The following PCM1 variants were observed in gnomAD, a reference collection of about 807,000 sequenced individuals.
The protein encoded by PCM1 is pericentriolar material 1.
A neutral mutation model predicts 241.9 loss-of-function variants in PCM1; 157 were observed. That is an observed-to-expected ratio of 0.65 (90% CI 0.57 to 0.74). The LOEUF is 0.74. PCM1 is among the 30% of genes least tolerant of loss of function. The pLI, the probability that PCM1 is intolerant of heterozygous loss-of-function variation, is 0.00. For missense variants in PCM1, 3,478 were observed against 2,360.1 expected, an observed-to-expected ratio of 1.47 and a Z score of -9.81; for synonymous variants, 1,085 against 784.9, an observed-to-expected ratio of 1.38 and a Z score of -6.39.
intron 1 of PCM1, among the ~76,000 whole-genome samples, chr8:17,923,621 C>G (rs2055506365): frequency 6.6e-6 from 1 of 152,080 alleles, no homozygotes; most frequent in East Asian, 1.9e-4. Context: ...CGCGTTCCCT[C>G]TGTGGAACTC....
intron 9 of PCM1, among the ~76,000 whole-genome samples, 195 bp from the exon 10 acceptor site, chr8:17,955,275 A>G (rs2067747401): frequency 6.6e-6 from 1 of 152,210 alleles, no homozygotes; most frequent in Admixed American, 6.5e-5. Flanking sequence ...TGGAAGAAAG[A>G]GGTAAACAAG....
chr8:18,015,591 C>A (rs1019509095), intron 36 of PCM1: 1 of 152,188 alleles, frequency 6.6e-6, no homozygotes, highest in African/African-American at 2.4e-5. Flanking sequence ...CAAATAAATA[C>A]TTGCCTCTGA....
chr8:17,995,420 T>A (rs910083895), intron 29 of PCM1, among the ~76,000 whole-genome samples: 2 of 151,446 alleles, frequency 1.3e-5, no homozygotes, highest in African/African-American at 4.9e-5. Flanking sequence ...TCTGTCGGTC[T>A]GTGTTTCTGT....
At chr8:18,011,906 T>C in intron 34 of PCM1, 79 bp downstream of exon 34, 1 of 1,224,264 alleles carries the variant, frequency 8.2e-7, no homozygotes, top group Non-Finnish European at 1.2e-6. Flanking sequence ...TTTTAACTAA[T>C]CAAAGTAGAT....
In PCM1 at chr8:17,966,203, G is replaced by T. The variant is rs753626918; in HGVS notation, c.3060G>T (p.Leu1020Phe). ...TTAGTGTCAGTATTTGTCAGACTTT[G>T]ATGCAAGACCAGCAGGTAAAATTTG... ...LDFSVSICQTLMQDQQTLSCL... is the reference protein window; with the variant it reads ...LDFSVSICQTFMQDQQTLSCL... Residue 1020 changes from leucine to phenylalanine, a missense_variant, in exon 19 of 39, where the codon TTG becomes TTT. Physicochemically the swap from Leu to Phe is conservative, Grantham distance 22. Coordinates refer to ENST00000325083, the MANE Select transcript of PCM1 (RefSeq NM_006197.4). 6.2e-7 allele frequency: 1 copy of T among 1,613,466 alleles called. No homozygotes were observed.
At chr8:17,970,429 G>T (rs1384022628) in intron 22 of PCM1, among the ~76,000 whole-genome samples, 2 of 143,592 alleles carry the variant, frequency 1.4e-5, no homozygotes, top group African/African-American at 5.5e-5. Context: ...TCATTAACTG[G>T]GATTTTTTTT....
Position 18,014,629 on chromosome 8 carries a change from T to C in PCM1, c.5630T>C (p.Leu1877Ser), listed in dbSNP as rs1438760391. 1.2e-6 allele frequency: 2 copies of C among 1,613,170 alleles called. No homozygotes were observed. The highest frequency in any genetic ancestry group is 1.7e-6 in the Non-Finnish European group (2 of 1,179,314). ...GTGAAACCCTGTTACCTCAATATCT[T>C]GGAAGATGAGCAACCTTTAAATAGT... Reference protein sequence around the residue: ...CPVKPCYLNILEDEQPLNSAA... With the variant: ...CPVKPCYLNISEDEQPLNSAA... The change falls in exon 36 of 39, where the codon TTG becomes TCG. Residue 1877 changes from leucine to serine, a missense_variant. Coordinates refer to ENST00000325083, the MANE Select transcript of PCM1 (RefSeq NM_006197.4).
At chr8:17,946,333 G>A (rs964079012) in intron 6 of PCM1, among the ~76,000 whole-genome samples, 1 of 152,100 alleles carries the variant, frequency 6.6e-6, no homozygotes, top group African/African-American at 2.4e-5. Context: ...TATTTTCTTA[G>A]ATGTCTGATA....
intron 17 of PCM1, among the ~76,000 whole-genome samples, chr8:17,963,938 C>T (rs1469446152): frequency 1.3e-5 from 2 of 152,010 alleles, no homozygotes; most frequent in African/African-American, 4.8e-5. Context: ...TCTTGGGGTC[C>T]CAATATGCAT....
chr8:17,949,917 A>T (rs1191516752), intron 7 of PCM1, among the ~76,000 whole-genome samples: 2 of 152,068 alleles, frequency 1.3e-5, no homozygotes, highest in East Asian at 3.9e-4. Flanking sequence ...ATATGGGGGC[A>T]TTTTTTTTAA....
intron 22 of PCM1, among the ~76,000 whole-genome samples, chr8:17,970,431 A>AT (rs11399726): frequency 0.24 from 34,200 of 142,894 alleles, 4,376 homozygotes; most frequent in East Asian, 0.38. Context: ...ATTAACTGGG[A>AT]TTTTTTTTTT....
rs1363646549 is a variant in PCM1, at chr8:18,029,099, A to C, written c.*1437A>C. 6.3e-6 allele frequency: 1 copy of C among 158,696 alleles called. No individual in the cohort carries two copies. Among genetic ancestry groups the C allele is most frequent in the Non-Finnish European group, 1.3e-5 (1 of 77,128 alleles). The allele number at this position is 158,696 out of a possible 1,614,324, so 9.8% of individuals were successfully genotyped here. On this transcript the variant is annotated 3_prime_UTR_variant, in exon 39 of 39. Coordinates refer to ENST00000325083, the MANE Select transcript of PCM1 (RefSeq NM_006197.4). ...CCGGGAGGTGGAGGTTGCAGGTTGC[A>C]GTGAGCCGAGATCATGCCACTGCAC...
At chr8:17,953,759 T>C (rs2066957095) in intron 9 of PCM1, among the ~76,000 whole-genome samples, 1 of 152,208 alleles carries the variant, frequency 6.6e-6, no homozygotes, top group African/African-American at 2.4e-5. Context: ...TTTAACCTTC[T>C]TTGTCTAAAT....
chr8:17,934,777 A>G (rs1370827968), intron 2 of PCM1: 1 of 152,158 alleles, frequency 6.6e-6, no homozygotes, highest in African/African-American at 2.4e-5. Context: ...TTATGCAGAA[A>G]TCTTACTTTC....
chr8:17,944,171 G>A (rs973243544), intron 6 of PCM1, among the ~76,000 whole-genome samples: 40 of 151,964 alleles, frequency 2.6e-4, no homozygotes, highest in African/African-American at 8.9e-4. Flanking sequence ...TAGTTATTTC[G>A]TGTGAGATTG....
intron 29 of PCM1, among the ~76,000 whole-genome samples, chr8:18,001,066 T>A (rs542128613): frequency 1.2e-4 from 18 of 152,286 alleles, no homozygotes; most frequent in Admixed American, 5.2e-4. Flanking sequence ...GGCATTTGAT[T>A]TGAGAATAGA....
chr8:17,941,930 A>G (rs2129451267), intron 6 of PCM1, among the ~76,000 whole-genome samples: 1 of 151,792 alleles, frequency 6.6e-6, no homozygotes, highest in South Asian at 2.1e-4. Context: ...TGTTGCTATT[A>G]CTCTTACATA....
chr8:17,951,995 G>T (rs1490972775), intron 8 of PCM1, among the ~76,000 whole-genome samples: 1 of 152,108 alleles, frequency 6.6e-6, no homozygotes, highest in Admixed American at 6.6e-5. Flanking sequence ...GGCCGAGGCG[G>T]GTGGATCACT....
intron 2 of PCM1, among the ~76,000 whole-genome samples, chr8:17,932,910 A>C (rs2059439685): frequency 2.0e-5 from 3 of 152,120 alleles, no homozygotes; most frequent in Admixed American, 6.5e-5. Context: ...TCTGTTGTTT[A>C]CTGTGAATTA....
Sources: allele counts gnomAD v4.1 joint callset (sites outside exome capture counted in the v4.1 genomes callset), GRCh38; gene constraint gnomAD v4.1.1; transcripts MANE v1.5; gene names NCBI Gene and HGNC (gene_info 2026-07-23, HGNC 2026-07-21).